MAML3: variants seen among roughly 807,000 people sequenced by gnomAD.
MAML3 encodes mastermind-like protein 3.
In MAML3, 27 loss-of-function variants were observed where a neutral mutation model predicts 101.9. That is an observed-to-expected ratio of 0.27 (90% CI 0.20 to 0.37). MAML3 has a LOEUF of 0.37. MAML3 is among the 10% of genes least tolerant of loss of function. The pLI, the probability that MAML3 is intolerant of heterozygous loss-of-function variation, is 1.00. For synonymous variants in MAML3, 501 were observed against 555.9 expected (o/e 0.90, Z 1.39); for missense variants, 1,316 against 1,444.9 (o/e 0.91, Z 1.45).
At chr4:140,148,713 A>T (rs1473809098) in intron 1 of MAML3, among the ~76,000 whole-genome samples, 1 of 152,230 alleles carries the variant, frequency 6.6e-6, no homozygotes, top group Non-Finnish European at 1.5e-5. Context: ...TCAGCAGTGG[A>T]CTAATATGTT....
chr4:140,033,425 G>T (rs918566952), intron 1 of MAML3, among the ~76,000 whole-genome samples: 1 of 21,138 alleles, frequency 4.7e-5, no homozygotes, highest in Non-Finnish European at 1.0e-4. Flanking sequence ...GAAGAGGTAC[G>T]GTATGGGAAA....
intron 2 of MAML3, among the ~76,000 whole-genome samples, chr4:139,804,669 C>T (rs1205250529): frequency 6.6e-6 from 1 of 152,188 alleles, no homozygotes; most frequent in Non-Finnish European, 1.5e-5. Context: ...ATCATACATC[C>T]TCTTTCTGCA....
At chr4:139,952,109 G>A (rs1321413515) in intron 1 of MAML3, among the ~76,000 whole-genome samples, 1 of 152,126 alleles carries the variant, frequency 6.6e-6, no homozygotes, top group East Asian at 1.9e-4. Context: ...AGGCTGCAGT[G>A]AGCCGAGATC....
At chr4:139,994,424 AGAGGCTGAAGCAG>A (rs1287892846) in intron 1 of MAML3, among the ~76,000 whole-genome samples, 2 of 152,202 alleles carry the variant, frequency 1.3e-5, no homozygotes, top group African/African-American at 4.8e-5. Flanking sequence ...CAGCACTTTG[AGAGGCTGAAGCAG>A]GAGGATTGCT....
In MAML3 at chr4:139,863,832, GTTTTTT is replaced by G. The variant is rs58270046; in HGVS notation, c.2079+25519_2079+25524del. Among the ~76,000 whole-genome samples, 276 of 111,280 alleles carry G rather than the reference GTTTTTT, an allele frequency of 2.5e-3. 1 individual carries two copies. Among genetic ancestry groups the G allele is most frequent in the African/African-American group, 7.1e-3 (249 of 34,848 alleles). 73.0% of individuals were successfully genotyped at this position (111,280 alleles called of 152,430 possible). A position where few individuals can be genotyped will look rare whatever the true frequency, so the allele number is the denominator to read the frequency against. ...TTTCTGTGGTAATACCAGAACATGG[GTTTTTT>G]TTTTTTTTTTTTTTTTTTGTACTAA... On this transcript the variant is annotated intron_variant, in intron 2 of 4. Transcript: ENST00000509479.
intron 1 of MAML3, among the ~76,000 whole-genome samples, chr4:140,004,664 C>T (rs1726416671): frequency 6.6e-6 from 1 of 152,144 alleles, no homozygotes; most frequent in East Asian, 1.9e-4. Context: ...CCATGAGACT[C>T]GCAGGGAGAC....
chr4:140,092,011 C>G (rs1342303144), intron 1 of MAML3, among the ~76,000 whole-genome samples: 1 of 150,564 alleles, frequency 6.6e-6, no homozygotes. Flanking sequence ...GGTATCATCT[C>G]TGTTGTCCAT....
chr4:140,095,578 C>T (rs1728142753), intron 1 of MAML3, among the ~76,000 whole-genome samples: 1 of 152,126 alleles, frequency 6.6e-6, no homozygotes, highest in Non-Finnish European at 1.5e-5. Flanking sequence ...AGTTCAAGCC[C>T]AAATCCATCC....
At chr4:140,039,825 T>C (rs564933111) in intron 1 of MAML3, among the ~76,000 whole-genome samples, 6 of 152,194 alleles carry the variant, frequency 3.9e-5, no homozygotes, top group Non-Finnish European at 8.8e-5. Context: ...TTTTACCTTT[T>C]AGGAGCAAAG....
chr4:139,982,945 A>G lies in MAML3; in HGVS notation c.469-91978T>C, dbSNP rs575559456. On this transcript the variant is annotated intron_variant, in intron 1 of 4. Transcript: ENST00000509479. ...AATCAGAGTACAATGCTTAAATACGACTGCTTTTGCCTTCAGTTTTGCAGT... is the reference window on the plus strand; with the variant it reads ...AATCAGAGTACAATGCTTAAATACGGCTGCTTTTGCCTTCAGTTTTGCAGT... Among the ~76,000 whole-genome samples the G allele has an allele frequency of 2.7e-4, 41 of 152,328 alleles. 1 individual carries two copies. The South Asian group carries it at 4.6e-3, about 17-fold the overall frequency.
At chr4:140,033,214 C>T (rs1168165854) in intron 1 of MAML3, among the ~76,000 whole-genome samples, 1 of 152,170 alleles carries the variant, frequency 6.6e-6, no homozygotes, top group Non-Finnish European at 1.5e-5. Flanking sequence ...AAACAAATGG[C>T]AAGGGCTTTT....
intron 1 of MAML3, among the ~76,000 whole-genome samples, chr4:140,036,874 G>A (rs1008648337): frequency 1.3e-5 from 2 of 152,106 alleles, no homozygotes; most frequent in African/African-American, 4.8e-5. Flanking sequence ...AAAACACCTT[G>A]AAGATGACGG....
chr4:140,140,638 T>G (rs1246822559), intron 1 of MAML3, among the ~76,000 whole-genome samples: 1 of 152,210 alleles, frequency 6.6e-6, no homozygotes, highest in Non-Finnish European at 1.5e-5. Context: ...GATCATAAAT[T>G]GAAGCATAAT....
At chr4:139,871,603 A>G (rs1030621659) in intron 2 of MAML3, among the ~76,000 whole-genome samples, 2 of 152,138 alleles carry the variant, frequency 1.3e-5, no homozygotes, top group Non-Finnish European at 2.9e-5. Context: ...GAAACCTACA[A>G]TGACTACCCA....
chr4:140,038,019 A>G (rs1376417974), intron 1 of MAML3, among the ~76,000 whole-genome samples: 1 of 152,248 alleles, frequency 6.6e-6, no homozygotes, highest in East Asian at 1.9e-4. Context: ...ATTAGCTAAG[A>G]TATCTTCTGC....
At chr4:139,775,046 A>G (rs545336431) in intron 2 of MAML3, among the ~76,000 whole-genome samples, 2 of 152,306 alleles carry the variant, frequency 1.3e-5, no homozygotes, top group South Asian at 4.2e-4. Flanking sequence ...GGGTCTGAGA[A>G]TAAGAGGAAA....
At chr4:139,889,333 A>G (rs752865388) in intron 2 of MAML3, 24 bp downstream of exon 2, 1 of 1,614,008 alleles carries the variant, frequency 6.2e-7, no homozygotes, top group Non-Finnish European at 8.5e-7. Context: ...AACTGCTCGA[A>G]GAGTGTGTCA....
chr4:140,142,944 C>G (rs1001193294), intron 1 of MAML3, among the ~76,000 whole-genome samples: 5 of 152,216 alleles, frequency 3.3e-5, no homozygotes, highest in African/African-American at 1.2e-4. Context: ...TCATTTTTAA[C>G]AACTATACCA....
intron 1 of MAML3, among the ~76,000 whole-genome samples, chr4:139,962,570 G>C (rs1266679245): frequency 6.6e-6 from 1 of 152,186 alleles, no homozygotes; most frequent in East Asian, 1.9e-4. Flanking sequence ...AGGAAACTCT[G>C]CCAATCTAGG....
Sources: allele counts gnomAD v4.1 joint callset (sites outside exome capture counted in the v4.1 genomes callset), GRCh38; gene constraint gnomAD v4.1.1; transcripts MANE v1.5; gene names NCBI Gene and HGNC (gene_info 2026-07-23, HGNC 2026-07-21).